The following GRM4 variants were observed in gnomAD, a reference collection of about 807,000 sequenced individuals.
GRM4 encodes the protein metabotropic glutamate receptor 4.
GRM4 carries 28 observed loss-of-function variants against 81.7 expected under a neutral mutation model. That is an observed-to-expected ratio of 0.34 (90% CI 0.25 to 0.47). The LOEUF (loss-of-function observed/expected upper bound fraction) is 0.47, where lower values mean the gene tolerates loss of function less well. GRM4 is among the 20% of genes least tolerant of loss of function. The probability of loss-of-function intolerance (pLI) is 1.00; values close to 1 mark genes in which losing one functional copy is unlikely to be tolerated. For missense variants in GRM4, 948 were observed against 1,290.0 expected (o/e 0.73, Z 4.06); for synonymous variants, 488 against 528.8 (o/e 0.92, Z 1.06).
chr6:34,037,868 A>C (rs1370455267), intron 8 of GRM4, among the ~76,000 whole-genome samples: 1 of 151,628 alleles, frequency 6.6e-6, no homozygotes, highest in African/African-American at 2.4e-5. Context: ...TCTCAAAAAA[A>C]AAAAAAAAAA....
In GRM4 at chr6:34,024,836, C is replaced by CA. The variant is rs1215512851; in HGVS notation, c.2690-1967dup. On this transcript the variant is annotated intron_variant, in intron 10 of 10. Coordinates refer to ENST00000538487, the MANE Select transcript of GRM4 (RefSeq NM_000841.4). ...TGGAAGAAAATGGTGCCACAACATC[C>CA]AAAAAAAGAATAAGAACACAGCATG... is the stretch of plus-strand genomic sequence containing the variant. The CA allele has an allele frequency of 6.7e-6, 3 of 444,506 alleles. No individual in the cohort carries two copies. In the Admixed American group the frequency reaches 7.4e-5, roughly 11 times the overall value. The allele number at this position is 444,506 out of a possible 1,614,324, so 27.5% of individuals were successfully genotyped here.
At chr6:34,118,251 T>C (rs546657698) in intron 2 of GRM4, among the ~76,000 whole-genome samples, 617 of 152,314 alleles carry the variant, frequency 4.1e-3, no homozygotes, top group Non-Finnish European at 7.1e-3. Flanking sequence ...CTAAGGGACA[T>C]CGAGCCACAC....
At chr6:34,025,958 G>A (rs1430172624) in intron 10 of GRM4, among the ~76,000 whole-genome samples, 1 of 152,182 alleles carries the variant, frequency 6.6e-6, no homozygotes, top group Non-Finnish European at 1.5e-5. Flanking sequence ...AGCACCCTCA[G>A]TGTGAGGGGA....
At chr6:34,065,422 A>G (rs1357941659) in intron 3 of GRM4, among the ~76,000 whole-genome samples, 1 of 152,128 alleles carries the variant, frequency 6.6e-6, no homozygotes, top group Non-Finnish European at 1.5e-5. Context: ...ATAGAATCAA[A>G]TGAAAGCCCA....
intron 2 of GRM4, chr6:34,103,923 G>C (rs889462579): frequency 1.0e-5 from 13 of 1,247,740 alleles, no homozygotes; most frequent in African/African-American, 3.1e-5. Context: ...CAGATGTTCA[G>C]AGCCAGCCAT....
chr6:34,084,941 T>TA lies in GRM4; in HGVS notation c.736+6941dup, dbSNP rs1581674117. Among the ~76,000 whole-genome samples, 8 of 152,302 alleles carry TA rather than the reference T, an allele frequency of 5.3e-5. 1 individual carries two copies. The highest frequency in any genetic ancestry group is 2.0e-4 in the Admixed American group (3 of 15,308). On this transcript the variant is annotated intron_variant, in intron 3 of 10. Coordinates refer to ENST00000538487, the MANE Select transcript of GRM4 (RefSeq NM_000841.4). ...GGACACATCACCACATCCCTTTTTT[T>TA]ACTTATTCAGGCGGGCTCTGCTGAG...
chr6:34,102,495 G>T (rs936504628), intron 2 of GRM4, among the ~76,000 whole-genome samples: 1 of 151,880 alleles, frequency 6.6e-6, no homozygotes, highest in Non-Finnish European at 1.5e-5. Context: ...CATGTGGCTC[G>T]CTCCCTCTCA....
At chr6:34,123,878 C>T (rs73744822) in intron 2 of GRM4, among the ~76,000 whole-genome samples, 4,709 of 152,266 alleles carry the variant, frequency 0.031, 161 homozygotes, top group African/African-American at 0.084. Flanking sequence ...CTCTGGTCTC[C>T]AGCACCCAAC....
chr6:34,092,198 G>T lies in GRM4; in HGVS notation c.520-99C>A. Reference sequence around the variant, plus strand: ...CACCAACCTCCCTTTGGTCCCCACAGCCTTGGGACCACCACAGCCCACCCC... The same window carrying T: ...CACCAACCTCCCTTTGGTCCCCACATCCTTGGGACCACCACAGCCCACCCC... On this transcript the variant is annotated intron_variant, in intron 2 of 10. Coordinates refer to ENST00000538487, the MANE Select transcript of GRM4 (RefSeq NM_000841.4). This position sits in a 1 kb window ranked among gnomAD's most constrained non-coding sequence, Gnocchi z 6.8. 1 of 759,312 alleles carries T rather than the reference G, an allele frequency of 1.3e-6. No homozygotes were observed. Among genetic ancestry groups the T allele is most frequent in the Non-Finnish European group, 2.2e-6 (1 of 462,870 alleles). 47.0% of individuals were successfully genotyped at this position (759,312 alleles called of 1,614,324 possible). A position where few individuals can be genotyped will look rare whatever the true frequency, so the allele number is the denominator to read the frequency against.
Position 34,034,340 on chromosome 6 carries a change from G to A in GRM4, c.2442+1328C>T, listed in dbSNP as rs1265434604. ...TGTCTCCTCGTCTCCCACCCAACGT[G>A]CCATCCATTGGAAACCTGACCAGCC... On this transcript the variant is annotated intron_variant, in intron 9 of 10. Coordinates refer to ENST00000538487, the MANE Select transcript of GRM4 (RefSeq NM_000841.4). This position sits in a 1 kb window ranked among gnomAD's most constrained non-coding sequence, Gnocchi z 4.0. Among the ~76,000 whole-genome samples, 2 of 152,072 alleles carry A rather than the reference G, an allele frequency of 1.3e-5. No homozygotes were observed. The highest frequency in any genetic ancestry group is 4.8e-5 in the African/African-American group (2 of 41,384).
intron 2 of GRM4, among the ~76,000 whole-genome samples, chr6:34,125,023 G>C (rs1226300687): frequency 6.6e-6 from 1 of 152,004 alleles, no homozygotes; most frequent in Non-Finnish European, 1.5e-5. Context: ...GCCCAGGCTG[G>C]AGTGCGGTGG....
chr6:34,080,590 C>G lies in GRM4; in HGVS notation c.736+11293G>C, dbSNP rs1381451993. Among the ~76,000 whole-genome samples the G allele has an allele frequency of 8.5e-5, 13 of 152,154 alleles. No homozygotes were observed. The highest frequency in any genetic ancestry group is 1.8e-4 in the Non-Finnish European group (12 of 68,032). On this transcript the variant is annotated intron_variant, in intron 3 of 10. Transcript: ENST00000538487. The surrounding 1 kb of genome is among the most constrained non-coding windows in gnomAD (Gnocchi z 5.4). ...CAGAAGGAAAAAAATGGCCACGCCC[C>G]TCCTCACCAGCCATACCCCTGGGGC...
rs1310792102 is a variant in GRM4, at chr6:34,090,658, C to A, written c.736+1225G>T. On this transcript the variant is annotated intron_variant, in intron 3 of 10. Transcript: ENST00000538487. This position sits in a 1 kb window ranked among gnomAD's most constrained non-coding sequence, Gnocchi z 5.2. ...ACTTCCCGCCGCCCCGCTGCCCCCT[C>A]CACCAGGTGGAGGCCCCCAAGCAGC... 6.6e-6 allele frequency among the ~76,000 whole-genome samples: 1 copy of A among 152,058 alleles called. No individual in the cohort carries two copies. The highest frequency in any genetic ancestry group is 6.5e-5 in the Admixed American group (1 of 15,278).
chr6:34,150,088 A>G (rs1393582942), upstream of GRM4, among the ~76,000 whole-genome samples: 5 of 152,170 alleles, frequency 3.3e-5, no homozygotes. Flanking sequence ...CCTGGCCCCA[A>G]GGGTCTCAGA....
rs746199384 is a variant in GRM4 at position 34,090,116 on chromosome 6, G to T, written c.736+1767C>A. On this transcript the variant is annotated intron_variant, in intron 3 of 10. Coordinates refer to ENST00000538487, the MANE Select transcript of GRM4 (RefSeq NM_000841.4). The surrounding 1 kb of genome is among the most constrained non-coding windows in gnomAD (Gnocchi z 5.2). Reference sequence around the variant, plus strand: ...ATGGGGATGAGGCAGCATCTACCTCGTAGGGCAGGAAGGACTGCCCAGGAC... The same window carrying T: ...ATGGGGATGAGGCAGCATCTACCTCTTAGGGCAGGAAGGACTGCCCAGGAC... 1.5e-4 allele frequency among the ~76,000 whole-genome samples: 23 copies of T among 152,250 alleles called. No individual in the cohort carries two copies. The highest frequency in any genetic ancestry group is 2.8e-4 in the Non-Finnish European group (19 of 68,006).
rs1470214780 is a variant in GRM4, at chr6:34,069,642, C to A, written c.737-7614G>T. The stretch of plus-strand genomic sequence containing the variant: ...CTCCCGGCTTTACAACCCTTGGCAG[C>A]CCCCAGTGTGTGTGTGTGTGTGTGT... On this transcript the variant is annotated intron_variant, in intron 3 of 10. Coordinates refer to ENST00000538487, the MANE Select transcript of GRM4 (RefSeq NM_000841.4). The surrounding 1 kb of genome is among the most constrained non-coding windows in gnomAD (Gnocchi z 6.4). Among the ~76,000 whole-genome samples the A allele has an allele frequency of 7.1e-6, 1 of 140,538 alleles. No homozygotes were observed. Among genetic ancestry groups the A allele is most frequent in the African/African-American group, 2.9e-5 (1 of 34,508 alleles). 92.2% of individuals were successfully genotyped at this position (140,538 alleles called of 152,430 possible). A position where few individuals can be genotyped will look rare whatever the true frequency, so the allele number is the denominator to read the frequency against.
At chr6:34,065,172 A>G (rs1201310233) in intron 3 of GRM4, among the ~76,000 whole-genome samples, 1 of 152,160 alleles carries the variant, frequency 6.6e-6, no homozygotes, top group Non-Finnish European at 1.5e-5. Context: ...GCACTGGCAC[A>G]GATCAACATC....
At chr6:34,150,289 G>C (rs76021682), upstream of GRM4, among the ~76,000 whole-genome samples, 4,253 of 152,326 alleles carry the variant, frequency 0.028, 133 homozygotes, top group Middle Eastern at 0.085. Context: ...CCAGGACTAA[G>C]CAGGAGCAGG....
intron 2 of GRM4, among the ~76,000 whole-genome samples, chr6:34,119,910 T>A (rs549833232): frequency 1.3e-4 from 20 of 152,148 alleles, no homozygotes; most frequent in Non-Finnish European, 2.6e-4. Context: ...GCGGTGAGGA[T>A]ATCCAGAGAA....
Sources: gnomAD v4.1 joint callset for allele counts (sites outside exome capture counted in the v4.1 genomes callset) on GRCh38, gnomAD v4.1.1 for gene constraint, Gnocchi (gnomAD v3.1) non-coding constraint, MANE v1.5 for transcripts, NCBI Gene and HGNC (gene_info 2026-07-23, HGNC 2026-07-21) for gene names.